PIK3R4: variants seen among roughly 807,000 people sequenced by gnomAD.
PIK3R4 encodes the protein phosphoinositide-3-kinase regulatory subunit 4.
In PIK3R4, 46 loss-of-function variants were observed where a neutral mutation model predicts 136.5. The observed-to-expected ratio is 0.34, with a 90% CI of 0.27 to 0.43. The LOEUF (loss-of-function observed/expected upper bound fraction) is 0.43, where lower values mean the gene tolerates loss of function less well. Ranked by LOEUF, PIK3R4 falls within the 20% of genes least tolerant of loss-of-function variation. The probability of loss-of-function intolerance (pLI) is 1.00; values close to 1 mark genes in which losing one functional copy is unlikely to be tolerated. For missense variants in PIK3R4, 1,331 were observed against 1,649.5 expected (o/e 0.81, Z 3.35); for synonymous variants, 557 against 566.7 (o/e 0.98, Z 0.24).
chr3:130,709,898 A>G (rs2066625302), intron 9 of PIK3R4, among the ~76,000 whole-genome samples: 1 of 152,158 alleles, frequency 6.6e-6, no homozygotes, highest in Admixed American at 6.5e-5. Context: ...TAATGGATAC[A>G]GGGTTTCTTT....
rs761526617 is a variant in PIK3R4 at position 130,686,369 on chromosome 3, GAGTTGA to G, written c.3311_3316del (p.Phe1104_Asn1105del). ...ATAGGCAAGAACAGACTGTGCTCCA[GAGTTGA>G]AGTGATGCATATCCACAACACAACC... On this transcript the variant is annotated inframe_deletion, in exon 15 of 20. Transcript: ENST00000356763. 1.9e-5 allele frequency: 30 copies of G among 1,613,336 alleles called. No individual in the cohort carries two copies.
At chr3:130,716,688 CAT>C (rs1436090012) in intron 8 of PIK3R4, 89 bp from the exon 9 acceptor site, 1 of 770,260 alleles carries the variant, frequency 1.3e-6, no homozygotes. Flanking sequence ...GAAAAGTTAA[CAT>C]ATTCATTTTC....
In PIK3R4 at chr3:130,686,347, G is replaced by C. The variant is rs747726538; in HGVS notation, c.3339C>G (p.Ala1113=). The C allele has an allele frequency of 3.0e-5, 48 of 1,613,028 alleles. No individual in the cohort carries two copies. Among genetic ancestry groups the C allele is most frequent in the Non-Finnish European group, 3.9e-5 (46 of 1,179,188 alleles). Residue 1113 remains alanine, a synonymous_variant, in exon 15 of 20, where the codon GCC becomes GCG. Coordinates refer to ENST00000356763, the MANE Select transcript of PIK3R4 (RefSeq NM_014602.3). ...CCAGAGAGCCATTCACAGTGGCATA[G>C]GCAAGAACAGACTGTGCTCCAGAGT... ...HFNSGAQSVL[A]YATVNGSLVG... is the part of the protein sequence containing the mutation.
intron 13 of PIK3R4, among the ~76,000 whole-genome samples, chr3:130,699,429 T>A (rs1256589668): frequency 6.6e-6 from 1 of 152,152 alleles, no homozygotes; most frequent in Non-Finnish European, 1.5e-5. Flanking sequence ...ACCCCTCCAC[T>A]GTCTACTAAG....
At chr3:130,709,146 T>C (rs1216036898) in intron 9 of PIK3R4, among the ~76,000 whole-genome samples, 1 of 152,182 alleles carries the variant, frequency 6.6e-6, no homozygotes, top group African/African-American at 2.4e-5. Context: ...AGATAATTAC[T>C]GGCACCCATC....
chr3:130,718,635 ACAGT>A, intron 7 of PIK3R4, 101 bp from the exon 8 acceptor site: 1 of 1,136,114 alleles, frequency 8.8e-7, no homozygotes, highest in Non-Finnish European at 1.3e-6. Context: ...GGATTTTGCC[ACAGT>A]GTTACTATCA....
At chr3:130,712,639 G>C (rs1405865052) in intron 9 of PIK3R4, among the ~76,000 whole-genome samples, 1 of 151,570 alleles carries the variant, frequency 6.6e-6, no homozygotes, top group Non-Finnish European at 1.5e-5. Flanking sequence ...TTGCATTCTA[G>C]CCTGGGCAAC....
intron 13 of PIK3R4, among the ~76,000 whole-genome samples, chr3:130,696,660 C>T (rs1387725243): frequency 2.0e-5 from 3 of 152,052 alleles, no homozygotes; most frequent in Non-Finnish European, 4.4e-5. Context: ...TGTTTTGTGA[C>T]CTAATATATG....
In PIK3R4 at chr3:130,744,563, GAAGGATCTCTC is replaced by G; in HGVS notation, c.645_655del (p.Met215IlefsTer9). 1 of 1,614,180 alleles carries G rather than the reference GAAGGATCTCTC, an allele frequency of 6.2e-7. No individual in the cohort carries two copies. The highest frequency in any genetic ancestry group is 8.5e-7 in the Non-Finnish European group (1 of 1,180,012). ...GCTATTTAAGTCTACAAGCGGAGTT[GAAGGATCTCTC>G]ATATATTCTAACTCAGTGGCAAACA... On this transcript the variant is annotated frameshift_variant, in exon 2 of 20. Coordinates refer to ENST00000356763, the MANE Select transcript of PIK3R4 (RefSeq NM_014602.3). LOFTEE classifies it high-confidence loss of function.
intron 15 of PIK3R4, 58 bp downstream of exon 15, chr3:130,686,153 G>T: frequency 1.0e-6 from 1 of 992,758 alleles, no homozygotes; most frequent in Non-Finnish European, 1.6e-6. Flanking sequence ...TCACAAGACA[G>T]CAATTGCAGG....
At chr3:130,707,579 T>C (rs1054615489) in intron 10 of PIK3R4, among the ~76,000 whole-genome samples, 2 of 152,212 alleles carry the variant, frequency 1.3e-5, no homozygotes. Flanking sequence ...TTATATATTA[T>C]GGATATAAAC....
rs1028895573 is a variant in PIK3R4 at position 130,706,942 on chromosome 3, C to A, written c.2721+6G>T. The A allele has an allele frequency of 6.2e-7, 1 of 1,603,094 alleles. No homozygotes were observed. Among genetic ancestry groups the A allele is most frequent in the Non-Finnish European group, 8.5e-7 (1 of 1,175,202 alleles). ...TAGGAGGACTACTGACTGGGTGACA[C>A]AGTACCTGTGAAGAAGTTGACAAAG... On this transcript the variant is annotated splice_donor_region_variant and intron_variant, in intron 11 of 19. Coordinates refer to ENST00000356763, the MANE Select transcript of PIK3R4 (RefSeq NM_014602.3).
At chr3:130,726,903 T>C (rs1274509252) in intron 6 of PIK3R4, among the ~76,000 whole-genome samples, 1 of 151,700 alleles carries the variant, frequency 6.6e-6, no homozygotes, top group East Asian at 1.9e-4. Context: ...GACAAAAAGA[T>C]GTAAGAATCA....
intron 6 of PIK3R4, 132 bp downstream of exon 6, chr3:130,728,331 T>A (rs978903747): frequency 3.1e-6 from 2 of 639,884 alleles, no homozygotes; most frequent in Non-Finnish European, 5.3e-6. Flanking sequence ...AAAAGCAGCA[T>A]GAAGACAGAA....
chr3:130,732,771 AAATG>A (rs2066765887), intron 4 of PIK3R4, among the ~76,000 whole-genome samples: 1 of 151,958 alleles, frequency 6.6e-6, no homozygotes, highest in African/African-American at 2.4e-5. Flanking sequence ...GCAAATCATA[AAATG>A]AATGAACTAC....
At chr3:130,689,834 A>G (rs534334582) in intron 14 of PIK3R4, among the ~76,000 whole-genome samples, 3 of 152,222 alleles carry the variant, frequency 2.0e-5, no homozygotes, top group Non-Finnish European at 2.9e-5. Context: ...TTCTTAAAGC[A>G]TAACATATCT....
chr3:130,690,257 GAAGAT>G (rs772693919), intron 14 of PIK3R4, among the ~76,000 whole-genome samples: 46 of 152,292 alleles, frequency 3.0e-4, no homozygotes, highest in Admixed American at 7.2e-4. Context: ...CAAGTTTGCA[GAAGAT>G]AAGATACATA....
intron 11 of PIK3R4, 89 bp from the exon 12 acceptor site, chr3:130,705,860 A>G (rs1405372684): frequency 5.7e-6 from 4 of 698,084 alleles, no homozygotes; most frequent in Non-Finnish European, 9.5e-6. Context: ...TCTATAAATT[A>G]TAACAGCTTT....
In PIK3R4 at chr3:130,690,552, C is replaced by G; in HGVS notation, c.3201G>C (p.Gln1067His). Reference sequence around the variant, plus strand: ...GCTTAGAAGCCTCAATTCCAAGAAGCTGGACAGCACCATTATCAGATGCTA... The same window carrying G: ...GCTTAGAAGCCTCAATTCCAAGAAGGTGGACAGCACCATTATCAGATGCTA... ...LAIASDNGAV[Q>H]LLGIEASKLP... The change falls in exon 14 of 20, where the codon CAG becomes CAC. Residue 1067 changes from glutamine (Q) to histidine (H), a missense_variant. Gln to His is a conservative substitution (Grantham distance 24). Transcript: ENST00000356763. 1.9e-6 allele frequency: 3 copies of G among 1,613,432 alleles called. No homozygotes were observed. The highest frequency in any genetic ancestry group is 2.5e-6 in the Non-Finnish European group (3 of 1,179,432).
Sources: gnomAD v4.1 joint callset for allele counts (sites outside exome capture counted in the v4.1 genomes callset) on GRCh38, gnomAD v4.1.1 for gene constraint, MANE v1.5 for transcripts, NCBI Gene and HGNC (gene_info 2026-07-23, HGNC 2026-07-21) for gene names.